KCNJ4: variants seen among roughly 807,000 people sequenced by gnomAD.
KCNJ4 encodes potassium inwardly rectifying channel subfamily J member 4.
Under a neutral mutation model 25.6 loss-of-function variants are expected in KCNJ4, and 3 were observed. The ratio of observed to expected loss-of-function variants is 0.12; its 90% CI spans 0.05 to 0.30. The LOEUF (loss-of-function observed/expected upper bound fraction) is 0.30. Among genes scored for constraint, KCNJ4 ranks in the 10% least tolerant of loss-of-function variants. The probability of loss-of-function intolerance (pLI) is 1.00; values close to 1 mark genes in which losing one functional copy is unlikely to be tolerated. For synonymous variants in KCNJ4, 257 were observed against 283.9 expected (o/e 0.91, Z 0.95); for missense variants, 286 against 666.8 (o/e 0.43, Z 6.29).
chr22:38,430,828 G>A (rs1379723228), intron 1 of KCNJ4, among the ~76,000 whole-genome samples: 1 of 152,214 alleles, frequency 6.6e-6, no homozygotes. Context: ...TAGGGTCACC[G>A]AGTTCAGGAC....
At chr22:38,435,832 G>A (rs576837928) in intron 1 of KCNJ4, among the ~76,000 whole-genome samples, 2 of 152,328 alleles carry the variant, frequency 1.3e-5, no homozygotes, top group East Asian at 3.9e-4. Flanking sequence ...ACTCCAACAA[G>A]TGGAACTTTG....
intron 1 of KCNJ4, among the ~76,000 whole-genome samples, chr22:38,434,280 G>A (rs898878610): frequency 2.0e-5 from 3 of 152,208 alleles, no homozygotes; most frequent in Admixed American, 1.3e-4. Context: ...ACTGGCCTGA[G>A]GTCACAGAGC....
intron 1 of KCNJ4, among the ~76,000 whole-genome samples, chr22:38,431,520 GC>G (rs1438734667): frequency 6.6e-6 from 1 of 152,202 alleles, no homozygotes; most frequent in African/African-American, 2.4e-5. Context: ...GGTGTCCTGA[GC>G]CCTTGCTATG....
At chr22:38,454,838 C>T (rs2089430818) in intron 1 of KCNJ4, 142 bp downstream of exon 1, 2 of 151,888 alleles carry the variant, frequency 1.3e-5, no homozygotes, top group Admixed American at 1.3e-4. Context: ...CGGGACCGCG[C>T]GCGCGGCGCC....
At chr22:38,442,544 CAA>C (rs10631730) in intron 1 of KCNJ4, among the ~76,000 whole-genome samples, 13 of 93,926 alleles carry the variant, frequency 1.4e-4, no homozygotes, top group Non-Finnish European at 9.9e-5. Flanking sequence ...AAGACTCCAT[CAA>C]AAAAAAAAAA....
intron 1 of KCNJ4, among the ~76,000 whole-genome samples, chr22:38,448,806 G>T (rs1294425331): frequency 1.3e-5 from 2 of 152,160 alleles, no homozygotes; most frequent in Non-Finnish European, 2.9e-5. Context: ...GCCGCAGACA[G>T]GAGCTGCTGG....
intron 1 of KCNJ4, among the ~76,000 whole-genome samples, chr22:38,437,624 C>T (rs962864787): frequency 9.8e-5 from 15 of 152,304 alleles, no homozygotes; most frequent in Non-Finnish European, 1.6e-4. Flanking sequence ...CCATCACAGG[C>T]GGCCGGATGT....
intron 1 of KCNJ4, among the ~76,000 whole-genome samples, chr22:38,440,978 C>T (rs1287244301): frequency 6.6e-6 from 1 of 152,144 alleles, no homozygotes; most frequent in Non-Finnish European, 1.5e-5. Flanking sequence ...ATGGTGAACG[C>T]TGGTGACAGG....
Position 38,426,607 on chromosome 22 carries a change from C to A in KCNJ4, c.*188G>T, listed in dbSNP as rs2093033080. The A allele has an allele frequency of 2.8e-6, 2 of 707,642 alleles. No homozygotes were observed. Among genetic ancestry groups the A allele is most frequent in the East Asian group, 5.4e-5 (2 of 36,728 alleles). The allele number at this position is 707,642 out of a possible 1,614,324, so 43.8% of individuals were successfully genotyped here. On this transcript the variant is annotated 3_prime_UTR_variant, in exon 2 of 2. Transcript: ENST00000303592. ...CTGGCGGAACTCAGGCTGATCGGGGCCGAGCTCTTCCCAGGCCTGGGTGCT... is the reference window on the plus strand; with the variant it reads ...CTGGCGGAACTCAGGCTGATCGGGGACGAGCTCTTCCCAGGCCTGGGTGCT...
At chr22:38,429,445 A>G (rs1054964469) in intron 1 of KCNJ4, among the ~76,000 whole-genome samples, 3 of 152,144 alleles carry the variant, frequency 2.0e-5, no homozygotes, top group Non-Finnish European at 4.4e-5. Flanking sequence ...GTGGGAGGGG[A>G]GGACACACCT....
chr22:38,426,746 A>C lies in KCNJ4; in HGVS notation c.*49T>G, dbSNP rs764728638. 5.1e-6 allele frequency: 8 copies of C among 1,553,906 alleles called. No homozygotes were observed. The highest frequency in any genetic ancestry group is 2.7e-5 in the African/African-American group (2 of 73,014). ...GTGGGAGGGGGTGTCCTGGCATCCC[A>C]CCCCCGGCAGAGGCTCTTGTGGGCA... On this transcript the variant is annotated 3_prime_UTR_variant, in exon 2 of 2. Coordinates refer to ENST00000303592, the MANE Select transcript of KCNJ4 (RefSeq NM_152868.3).
intron 1 of KCNJ4, among the ~76,000 whole-genome samples, chr22:38,438,714 AG>A (rs2089311346): frequency 6.6e-6 from 1 of 151,530 alleles, no homozygotes; most frequent in African/African-American, 2.4e-5. Context: ...AAAGAAAGAA[AG>A]AAAGAAAGAA....
In KCNJ4 at chr22:38,427,294, T is replaced by C; in HGVS notation, c.839A>G (p.Glu280Gly). The C allele has an allele frequency of 6.2e-7, 1 of 1,613,834 alleles. No homozygotes were observed. Among genetic ancestry groups the C allele is most frequent in the Non-Finnish European group, 8.5e-7 (1 of 1,179,984 alleles). ...GACCACGATCTCAAAGTCCTCCGAC[T>C]CCAGCTCCTCCTTGCCCATGCCATA... ...PLYGMGKEELESEDFEIVVIL... is the reference protein window; with the variant it reads ...PLYGMGKEELGSEDFEIVVIL... Residue 280 changes from glutamate to glycine, a missense_variant, in exon 2 of 2, where the codon GAG becomes GGG. Around this residue, in one of 11 missense-constraint regions of KCNJ4, gnomAD observed 39 missense variants for 100.9 expected, o/e 0.39. Transcript: ENST00000303592.
At chr22:38,428,571 C>A (rs1358901282) in intron 1 of KCNJ4, among the ~76,000 whole-genome samples, 3 of 152,144 alleles carry the variant, frequency 2.0e-5, no homozygotes, top group African/African-American at 4.8e-5. Context: ...GCCCGCTTCC[C>A]TCCCTGGATT....
intron 1 of KCNJ4, among the ~76,000 whole-genome samples, chr22:38,429,259 G>A (rs1347000436): frequency 6.6e-6 from 1 of 152,152 alleles, no homozygotes. Context: ...AGAATCCAAT[G>A]TGACAGTCAG....
chr22:38,439,495 G>A (rs1262189591), intron 1 of KCNJ4, among the ~76,000 whole-genome samples: 5 of 151,316 alleles, frequency 3.3e-5, no homozygotes, highest in Non-Finnish European at 7.4e-5. Flanking sequence ...ACAACATTCC[G>A]GCCGGGCATG....
chr22:38,432,055 A>G (rs1352970011), intron 1 of KCNJ4, among the ~76,000 whole-genome samples: 1 of 151,692 alleles, frequency 6.6e-6, no homozygotes, highest in Non-Finnish European at 1.5e-5. Context: ...GGAGTTCAAG[A>G]CCAGCCTGGC....
chr22:38,426,812 T>G lies in KCNJ4; in HGVS notation c.1321A>C (p.Arg441=). The G allele has an allele frequency of 3.7e-6, 6 of 1,611,546 alleles. No individual in the cohort carries two copies. The highest frequency in any genetic ancestry group is 4.2e-6 in the Non-Finnish European group (5 of 1,178,576). Residue 441 remains arginine, a synonymous_variant, in exon 2 of 2, where the codon AGG becomes CGG. Coordinates refer to ENST00000303592, the MANE Select transcript of KCNJ4 (RefSeq NM_152868.3). Reference sequence around the variant, plus strand: ...CCTGGAGGTCAGATGGCAGACTCCCTGCGGTAGGAGATGTTGTCCAGCGGG... The same window carrying G: ...CCTGGAGGTCAGATGGCAGACTCCCGGCGGTAGGAGATGTTGTCCAGCGGG... ...SLPLDNISYR[R]ESAI
At chr22:38,446,296 C>G (rs1041486763) in intron 1 of KCNJ4, among the ~76,000 whole-genome samples, 2 of 152,268 alleles carry the variant, frequency 1.3e-5, no homozygotes, top group African/African-American at 4.8e-5. Context: ...CTCTCTGCCC[C>G]ACCCAGTTCT....
Sources: allele counts gnomAD v4.1 joint callset (sites outside exome capture counted in the v4.1 genomes callset), GRCh38; gene constraint gnomAD v4.1.1; regional missense constraint gnomAD v4.1.1; transcripts MANE v1.5; gene names NCBI Gene and HGNC (gene_info 2026-07-23, HGNC 2026-07-21).